HMHB1: variants seen among roughly 807,000 people sequenced by gnomAD.
HMHB1 encodes the protein histocompatibility minor HB-1.
Under a neutral mutation model 2.4 loss-of-function variants are expected in HMHB1, and 4 were observed. That is an observed-to-expected ratio of 1.65 (90% CI 0.81 to 3.77). The LOEUF (loss-of-function observed/expected upper bound fraction) is 3.77, where lower values mean the gene tolerates loss of function less well. Ranked by LOEUF, HMHB1 falls within the 30% of genes most tolerant of loss-of-function variation. The pLI, the probability that HMHB1 is intolerant of heterozygous loss-of-function variation, is 0.01. For missense variants in HMHB1, 57 were observed against 44.2 expected, an observed-to-expected ratio of 1.29 and a Z score of -0.82; for synonymous variants, 22 against 17.6, an observed-to-expected ratio of 1.25 and a Z score of -0.63.
At chr5:143,819,776 A>T (rs186385863) in intron 1 of HMHB1, among the ~76,000 whole-genome samples, 47 of 152,318 alleles carry the variant, frequency 3.1e-4, no homozygotes, top group African/African-American at 1.0e-3. Context: ...TGATGGCAAT[A>T]GAATAAATTT....
At chr5:143,813,590 C>T (rs911565488) in intron 1 of HMHB1, among the ~76,000 whole-genome samples, 1 of 152,152 alleles carries the variant, frequency 6.6e-6, no homozygotes, top group Non-Finnish European at 1.5e-5. Context: ...TCCTTGTTTC[C>T]TTAACTCAGA....
intron 1 of HMHB1, among the ~76,000 whole-genome samples, chr5:143,815,217 G>T (rs1237540931): frequency 6.6e-6 from 1 of 152,198 alleles, no homozygotes; most frequent in Non-Finnish European, 1.5e-5. Flanking sequence ...AAATTTAGTA[G>T]TTTAAATCTG....
Position 143,815,527 on chromosome 5 carries a change from CTTT to C in HMHB1, c.37+3233_37+3235del, listed in dbSNP as rs57716897. Among the ~76,000 whole-genome samples, 18 of 144,356 alleles carry C rather than the reference CTTT, an allele frequency of 1.2e-4. No individual in the cohort carries two copies. The East Asian group carries it at 3.2e-3, about 26-fold the overall frequency. 94.7% of individuals were successfully genotyped at this position (144,356 alleles called of 152,430 possible). On this transcript the variant is annotated intron_variant, in intron 1 of 1. Transcript: ENST00000289448. ...TTTTCTTTTTTCCTTGTATTTTTTT[CTTT>C]TTTTTTTTTGAGATGCAGTCTCGCT...
At chr5:143,819,400 C>T (rs889925853) in intron 1 of HMHB1, among the ~76,000 whole-genome samples, 2 of 152,176 alleles carry the variant, frequency 1.3e-5, no homozygotes, top group Non-Finnish European at 2.9e-5. Flanking sequence ...AATCCTTATC[C>T]GTATGTGAAA....
chr5:143,817,494 C>T (rs1380315347), intron 1 of HMHB1, among the ~76,000 whole-genome samples: 2 of 152,098 alleles, frequency 1.3e-5, no homozygotes, highest in African/African-American at 2.4e-5. Flanking sequence ...TTTGTTTGCT[C>T]TGTCAAATAT....
At chr5:143,820,336 A>AAAAAAAAAAAAAAAAAAAAAAAC in intron 1 of HMHB1, 144 bp from the exon 2 acceptor site, 1 of 337,442 alleles carries the variant, frequency 3.0e-6, no homozygotes, top group Non-Finnish European at 5.3e-6. Context: ...AAAAAAAAAA[A>AAAAAAAAAAAAAAAAAAAAAAAC]AAAAAAAAAA....
intron 1 of HMHB1, among the ~76,000 whole-genome samples, chr5:143,813,014 C>T (rs1759710493): frequency 6.6e-6 from 1 of 151,940 alleles, no homozygotes; most frequent in Non-Finnish European, 1.5e-5. Flanking sequence ...ACACGGAGCC[C>T]TGGGTTGACG....
chr5:143,813,746 C>CT (rs1019191785), intron 1 of HMHB1, among the ~76,000 whole-genome samples: 4 of 152,018 alleles, frequency 2.6e-5, no homozygotes, highest in Admixed American at 6.6e-5. Context: ...ATAAAATTAA[C>CT]TTTTTTTATC....
intron 1 of HMHB1, among the ~76,000 whole-genome samples, chr5:143,814,784 T>A (rs138664989): frequency 6.6e-6 from 1 of 152,324 alleles, no homozygotes; most frequent in East Asian, 1.9e-4. Flanking sequence ...ATTATAAAAA[T>A]TTTATCTTTT....
intron 1 of HMHB1, among the ~76,000 whole-genome samples, chr5:143,816,135 T>G (rs1053440066): frequency 3.9e-5 from 6 of 152,200 alleles, no homozygotes; most frequent in African/African-American, 1.4e-4. Context: ...TCCTTTGCCA[T>G]AGTTCTGAGG....
In HMHB1 at chr5:143,815,938, C is replaced by T. The variant is rs189596953; in HGVS notation, c.37+3634C>T. Among the ~76,000 whole-genome samples, 1,394 of 144,818 alleles carry T rather than the reference C, an allele frequency of 9.6e-3. 58 individuals carry two copies. The highest frequency in any genetic ancestry group is 0.026 in the African/African-American group (966 of 36,770). ...AGCCAGGATGGTCTCGATCTCCTGA[C>T]CTCATGATCCACCCGCCTCGGCCTC... On this transcript the variant is annotated intron_variant, in intron 1 of 1. Coordinates refer to ENST00000289448, the MANE Select transcript of HMHB1 (RefSeq NM_021182.3).
chr5:143,820,383 G>T, intron 1 of HMHB1, 97 bp from the exon 2 acceptor site: 3 of 276,498 alleles, frequency 1.1e-5, no homozygotes, highest in Non-Finnish European at 7.1e-6. Context: ...GCTAACACAA[G>T]TCCTCTTTAC....
At chr5:143,813,649 T>C (rs1307788760) in intron 1 of HMHB1, among the ~76,000 whole-genome samples, 1 of 152,262 alleles carries the variant, frequency 6.6e-6, no homozygotes. Flanking sequence ...GTCCATATTT[T>C]TTTTTATTGG....
intron 1 of HMHB1, 46 bp from the exon 2 acceptor site, chr5:143,820,434 G>T: frequency 1.8e-6 from 2 of 1,091,246 alleles, no homozygotes; most frequent in African/African-American, 1.6e-5. Flanking sequence ...AAATACTGCT[G>T]AGAAGTTGTA....
chr5:143,815,143 T>G (rs1225114528), intron 1 of HMHB1, among the ~76,000 whole-genome samples: 2 of 152,258 alleles, frequency 1.3e-5, no homozygotes, highest in Non-Finnish European at 2.9e-5. Flanking sequence ...TTCAGAGACC[T>G]AAATTACTGA....
chr5:143,816,262 G>C (rs1260431654), intron 1 of HMHB1, among the ~76,000 whole-genome samples: 1 of 152,128 alleles, frequency 6.6e-6, no homozygotes, highest in Non-Finnish European at 1.5e-5. Context: ...ACATGAGTCA[G>C]TTCTTTAGTG....
chr5:143,819,045 C>T (rs1173878856), intron 1 of HMHB1, among the ~76,000 whole-genome samples: 1 of 152,216 alleles, frequency 6.6e-6, no homozygotes, highest in Non-Finnish European at 1.5e-5. Context: ...GATTGTCTCT[C>T]TATATCCATC....
At chr5:143,812,455 C>G (rs368118171) in intron 1 of HMHB1, 151 bp downstream of exon 1, 1 of 733,038 alleles carries the variant, frequency 1.4e-6, no homozygotes, top group South Asian at 1.8e-5. Flanking sequence ...AGTGAGACGG[C>G]CCTTGTTGCT....
intron 1 of HMHB1, among the ~76,000 whole-genome samples, chr5:143,817,877 A>G (rs1759767133): frequency 6.6e-6 from 1 of 152,220 alleles, no homozygotes; most frequent in South Asian, 2.1e-4. Context: ...AATGCAATGC[A>G]AAAATTCTAG....
Sources: allele counts gnomAD v4.1 joint callset (sites outside exome capture counted in the v4.1 genomes callset), GRCh38; gene constraint gnomAD v4.1.1; transcripts MANE v1.5; gene names NCBI Gene and HGNC (gene_info 2026-07-23, HGNC 2026-07-21).